ATP2A1: variants seen among roughly 807,000 people sequenced by gnomAD.
ATP2A1 encodes ATPase sarcoplasmic/endoplasmic reticulum Ca2+ transporting 1.
Under a neutral mutation model 109.5 loss-of-function variants are expected in ATP2A1, and 83 were observed. That is an observed-to-expected ratio of 0.76 (90% CI 0.63 to 0.91). The LOEUF is 0.91. ATP2A1 is among the 40% of genes least tolerant of loss of function. The pLI, the probability that ATP2A1 is intolerant of heterozygous loss-of-function variation, is 0.00. For synonymous variants in ATP2A1, 505 were observed against 537.6 expected (o/e 0.94, Z 0.84); for missense variants, 1,101 against 1,341.0 (o/e 0.82, Z 2.80).
rs766644399 is a variant in ATP2A1, at chr16:28,902,673, G to A, written c.2610+8G>A. 3.7e-6 allele frequency: 6 copies of A among 1,614,054 alleles called. No homozygotes were observed. The highest frequency in any genetic ancestry group is 1.7e-5 in the Admixed American group (1 of 60,004). The stretch of plus-strand genomic sequence containing the variant: ...GTCAACTACAGCCAGCTGGTAGGGG[G>A]AGGCCACAAAGGAGGGGACCAGGAG... On this transcript the variant is annotated splice_region_variant and intron_variant, in intron 18 of 22. Transcript: ENST00000395503. This position sits in a 1 kb window ranked among gnomAD's most constrained non-coding sequence, Gnocchi z 4.8.
At chr16:28,879,879 C>T (rs576443110) in intron 3 of ATP2A1, 5 of 612,866 alleles carry the variant, frequency 8.2e-6, no homozygotes, top group Non-Finnish European at 1.1e-5. Flanking sequence ...GAACTCCGGG[C>T]TCCGGGTCCC....
Position 28,883,829 on chromosome 16 carries a change from C to G in ATP2A1, c.464-746C>G, listed in dbSNP as rs1024028598. Among the ~76,000 whole-genome samples the G allele has an allele frequency of 1.3e-5, 2 of 152,104 alleles. No homozygotes were observed. The highest frequency in any genetic ancestry group is 4.8e-5 in the African/African-American group (2 of 41,416). On this transcript the variant is annotated intron_variant, in intron 5 of 22. Coordinates refer to ENST00000395503, the MANE Select transcript of ATP2A1 (RefSeq NM_004320.6). The surrounding 1 kb of genome is among the most constrained non-coding windows in gnomAD (Gnocchi z 5.2). Reference sequence around the variant, plus strand: ...ATCCCATCCTGTCTTGTCCATGTCCCCAGCTCACTCTCCCTGGCTCCCCGC... The same window carrying G: ...ATCCCATCCTGTCTTGTCCATGTCCGCAGCTCACTCTCCCTGGCTCCCCGC...
At chr16:28,882,144 G>A (rs957963370) in intron 4 of ATP2A1, among the ~76,000 whole-genome samples, 21 of 135,562 alleles carry the variant, frequency 1.5e-4, no homozygotes, top group Non-Finnish European at 2.6e-4. Flanking sequence ...TCGTAGAGAC[G>A]GACGGGGTTT....
intron 6 of ATP2A1, among the ~76,000 whole-genome samples, chr16:28,886,068 G>C (rs1280892741): frequency 6.6e-6 from 1 of 152,112 alleles, no homozygotes; most frequent in East Asian, 1.9e-4. Context: ...CTACTTGGGA[G>C]GCTGAGGTGG....
chr16:28,886,622 G>A (rs1596668769), intron 6 of ATP2A1, among the ~76,000 whole-genome samples: 1 of 152,098 alleles, frequency 6.6e-6, no homozygotes, highest in East Asian at 1.9e-4. Context: ...TTTTACAGAG[G>A]AGCACATGGA....
In ATP2A1 at chr16:28,894,513, A is replaced by G. The variant is rs1475635667; in HGVS notation, c.1193A>G (p.Asn398Ser). 3 of 1,613,754 alleles carry G rather than the reference A, an allele frequency of 1.9e-6. No individual in the cohort carries two copies. Among genetic ancestry groups the G allele is most frequent in the Non-Finnish European group, 8.5e-7 (1 of 1,180,006 alleles). The change falls in exon 11 of 23, where the codon AAT becomes AGT. Residue 398 changes from asparagine (N) to serine (S), a missense_variant. By Grantham distance (46) the Asn-to-Ser change is conservative. Coordinates refer to ENST00000395503, the MANE Select transcript of ATP2A1 (RefSeq NM_004320.6). Reference protein sequence around the residue: ...TYAPEGEVLKNDKPVRPGQYD... With the variant: ...TYAPEGEVLKSDKPVRPGQYD... ...CCTGACCCTGCTGCCAGCTTGAAGAATGATAAGCCAGTCCGGCCAGGGCAG... is the reference window on the plus strand; with the variant it reads ...CCTGACCCTGCTGCCAGCTTGAAGAGTGATAAGCCAGTCCGGCCAGGGCAG...
In ATP2A1 at chr16:28,883,972, A is replaced by C; in HGVS notation, c.464-603A>C. Among the ~76,000 whole-genome samples the C allele has an allele frequency of 1.3e-5, 2 of 148,942 alleles. No individual in the cohort carries two copies. The highest frequency in any genetic ancestry group is 3.0e-5 in the Non-Finnish European group (2 of 67,166). On this transcript the variant is annotated intron_variant, in intron 5 of 22. Transcript: ENST00000395503. The surrounding 1 kb of genome is among the most constrained non-coding windows in gnomAD (Gnocchi z 5.2). The stretch of plus-strand genomic sequence containing the variant: ...TCCTGCCCACTCATACCTTCCGCTC[A>C]CTCCTCTCCTGCCTTGCCCTCCACT...
chr16:28,879,192 C>A, intron 2 of ATP2A1, 76 bp downstream of exon 2: 1 of 1,536,854 alleles, frequency 6.5e-7, no homozygotes, highest in Non-Finnish European at 9.0e-7. Context: ...TCCTCCCTGC[C>A]TCTTTAGATT....
At chr16:28,900,511 C>A in intron 14 of ATP2A1, 70 bp from the exon 15 acceptor site, 10 of 1,421,944 alleles carry the variant, frequency 7.0e-6, no homozygotes, top group Non-Finnish European at 9.4e-6. Context: ...TCCCCACCCC[C>A]CACCAGCTTC....
intron 14 of ATP2A1, among the ~76,000 whole-genome samples, chr16:28,899,362 T>C (rs1964000824): frequency 6.6e-6 from 1 of 152,206 alleles, no homozygotes; most frequent in African/African-American, 2.4e-5. Context: ...ACATTTTGGC[T>C]GGGCATGGTG....
In ATP2A1 at chr16:28,879,078, TTTC is replaced by T. The variant is rs760761542; in HGVS notation, c.119-15_119-13del. On this transcript the variant is annotated intron_variant, in intron 1 of 22. Coordinates refer to ENST00000395503, the MANE Select transcript of ATP2A1 (RefSeq NM_004320.6). ...GCTGAACCCCAAATGAATCTGTCCT[TTTC>T]TTCTTTTTCCTGGGTAGAGCTCCCT... 5.9e-4 allele frequency: 947 copies of T among 1,613,880 alleles called. No individual in the cohort carries two copies. The highest frequency in any genetic ancestry group is 7.5e-4 in the Non-Finnish European group (882 of 1,179,988).
rs1014311465 is a variant in ATP2A1, at chr16:28,902,236, C to G, written c.2374C>G (p.Leu792Val). 2 of 1,614,156 alleles carry G rather than the reference C, an allele frequency of 1.2e-6. No homozygotes were observed. Among genetic ancestry groups the G allele is most frequent in the Admixed American group, 3.3e-5 (2 of 60,010 alleles). ...GCCTGAGGCCCTGATCCCGGTGCAG[C>G]TGCTATGGGTGAACTTGGTGACCGA... ...GLPEALIPVQLLWVNLVTDGL... is the reference protein window; with the variant it reads ...GLPEALIPVQVLWVNLVTDGL... Residue 792 changes from leucine to valine, a missense_variant, in exon 17 of 23, where the codon CTG becomes GTG. Physicochemically the swap from Leu to Val is conservative, Grantham distance 32. Coordinates refer to ENST00000395503, the MANE Select transcript of ATP2A1 (RefSeq NM_004320.6). The surrounding 1 kb of genome is among the most constrained non-coding windows in gnomAD (Gnocchi z 4.8).
rs1460487086 is a variant in ATP2A1, at chr16:28,902,947, T to C, written c.2744+36T>C. 1.9e-6 allele frequency: 3 copies of C among 1,607,606 alleles called. No individual in the cohort carries two copies. Among genetic ancestry groups the C allele is most frequent in the Non-Finnish European group, 2.6e-6 (3 of 1,175,276 alleles). On this transcript the variant is annotated intron_variant, in intron 19 of 22. Coordinates refer to ENST00000395503, the MANE Select transcript of ATP2A1 (RefSeq NM_004320.6). The surrounding 1 kb of genome is among the most constrained non-coding windows in gnomAD (Gnocchi z 4.8). ...CCCAGCTACACCCACCACCCTCCCC[T>C]GAGGCCACTGCCCACATCCTCCACT...
Position 28,902,430 on chromosome 16 carries a change from AACC to A in ATP2A1, c.2524+45_2524+47del, listed in dbSNP as rs746429287. On this transcript the variant is annotated intron_variant, in intron 17 of 22. Transcript: ENST00000395503. The surrounding 1 kb of genome is among the most constrained non-coding windows in gnomAD (Gnocchi z 4.8). ...TCGATCCTCCCCACCCCTTGGGACT[AACC>A]CCCTCTCTGGGACACCAGCTCCCCC... 8 of 1,604,530 alleles carry A rather than the reference AACC, an allele frequency of 5.0e-6. No individual in the cohort carries two copies. The highest frequency in any genetic ancestry group is 6.8e-6 in the Non-Finnish European group (8 of 1,173,212).
At chr16:28,879,912 G>C (rs910810098) in intron 3 of ATP2A1, 4 of 792,730 alleles carry the variant, frequency 5.0e-6, no homozygotes, top group South Asian at 3.6e-5. Context: ...GCTGCGGCGC[G>C]GGGGGCCACT....
intron 6 of ATP2A1, 65 bp from the exon 7 acceptor site, chr16:28,887,124 A>G: frequency 6.6e-7 from 1 of 1,518,664 alleles, no homozygotes; most frequent in South Asian, 1.1e-5. Flanking sequence ...GGAGAGAGTT[A>G]GGCACGGGAA....
rs1567492025 is a variant in ATP2A1, at chr16:28,902,603, G to C, written c.2548G>C (p.Gly850Arg). The change falls in exon 18 of 23, where the codon GGA (glycine) becomes CGA (arginine). Residue 850 changes from glycine to arginine, a missense_variant. Coordinates refer to ENST00000395503, the MANE Select transcript of ATP2A1 (RefSeq NM_004320.6). The surrounding 1 kb of genome is among the most constrained non-coding windows in gnomAD (Gnocchi z 4.8). The stretch of plus-strand genomic sequence containing the variant: ...AGGCTATGTGGGTGCAGCCACCGTG[G>C]GAGCAGCTGCCTGGTGGTTCCTGTA... The part of the protein sequence containing the change: ...IGGYVGAATV[G>R]AAAWWFLYAE... 1 of 1,614,116 alleles carries C rather than the reference G, an allele frequency of 6.2e-7. No homozygotes were observed.
rs934426214 is a variant in ATP2A1 at position 28,879,922 on chromosome 16, T to A, written c.219+339T>A. The A allele has an allele frequency of 5.8e-5, 52 of 889,902 alleles. No homozygotes were observed. The African/African-American group carries it at 8.6e-4, about 15-fold the overall frequency. The allele number at this position is 889,902 out of a possible 1,614,324, so 55.1% of individuals were successfully genotyped here. ...TGCCGGCTGCGGCGCGGGGGGCCAC[T>A]GCCACTCCCGGCATGCGCCGGGCGG... On this transcript the variant is annotated intron_variant, in intron 3 of 22. Transcript: ENST00000395503.
rs921166254 is a variant in ATP2A1 at position 28,894,424 on chromosome 16, C to G, written c.1185-81C>G. The G allele has an allele frequency of 2.3e-4, 319 of 1,414,704 alleles. 11 individuals carry two copies. The South Asian group carries it at 3.7e-3, about 16-fold the overall frequency. The allele number at this position is 1,414,704 out of a possible 1,614,324, so 87.6% of individuals were successfully genotyped here. On this transcript the variant is annotated intron_variant, in intron 10 of 22. Coordinates refer to ENST00000395503, the MANE Select transcript of ATP2A1 (RefSeq NM_004320.6). ...GTCCTTCCTTACCCTCTGCTGCCTG[C>G]TCTTCCTGTGCCCTCTCTGCATCTC...
Sources: allele counts gnomAD v4.1 joint callset (sites outside exome capture counted in the v4.1 genomes callset), GRCh38; gene constraint gnomAD v4.1.1; non-coding constraint Gnocchi (gnomAD v3.1); transcripts MANE v1.5; gene names NCBI Gene and HGNC (gene_info 2026-07-23, HGNC 2026-07-21).